PCDHA11: variants seen among roughly 807,000 people sequenced by gnomAD.
PCDHA11 encodes protocadherin alpha 11, also known as protocadherin alpha-11.
Under a neutral mutation model 70.3 loss-of-function variants are expected in PCDHA11, and 61 were observed. The observed-to-expected ratio is 0.87, with a 90% CI of 0.71 to 1.07. The LOEUF (loss-of-function observed/expected upper bound fraction) is 1.07. Ranked by LOEUF, PCDHA11 falls within the 50% of genes least tolerant of loss-of-function variation. The probability of loss-of-function intolerance (pLI) is 0.00; values close to 1 mark genes in which losing one functional copy is unlikely to be tolerated. For missense variants in PCDHA11, 1,324 were observed against 1,237.5 expected, an observed-to-expected ratio of 1.07 and a Z score of -1.05; for synonymous variants, 633 against 555.1, an observed-to-expected ratio of 1.14 and a Z score of -1.97.
chr5:140,923,792 T>G (rs2081513332), intron 1 of PCDHA11, among the ~76,000 whole-genome samples: 1 of 152,310 alleles, frequency 6.6e-6, no homozygotes, highest in South Asian at 2.1e-4. Flanking sequence ...CTTCATTCTT[T>G]TCACAAATGA....
intron 1 of PCDHA11, among the ~76,000 whole-genome samples, chr5:140,952,839 T>G (rs1270756530): frequency 6.6e-6 from 1 of 152,210 alleles, no homozygotes; most frequent in Non-Finnish European, 1.5e-5. Context: ...GCTGGCCATC[T>G]GCTTGTCTTC....
At chr5:140,884,758 C>T in intron 1 of PCDHA11, 2 of 1,424,736 alleles carry the variant, frequency 1.4e-6, no homozygotes, top group Middle Eastern at 4.1e-4. Flanking sequence ...TCAAATTATT[C>T]TTTACTTTAA....
At chr5:140,963,237 G>A (rs782735845) in intron 1 of PCDHA11, among the ~76,000 whole-genome samples, 50 of 152,136 alleles carry the variant, frequency 3.3e-4, no homozygotes, top group Non-Finnish European at 6.2e-4. Flanking sequence ...CTGTTTGATG[G>A]ATTAGGTAGG....
Position 140,875,458 on chromosome 5 carries a change from C to T in PCDHA11, c.2391+3964C>T, listed in dbSNP as rs149655466. ...AAAACTGATTGTCCCAACTCAGAGG[C>T]CCTCATTTTCTGCAATGGTGATTAT... On this transcript the variant is annotated intron_variant, in intron 1 of 3. Transcript: ENST00000398640. The T allele has an allele frequency of 1.1e-3, 1,729 of 1,596,942 alleles. 10 individuals are homozygous for T. In the African/African-American group the frequency reaches 0.015, roughly 14 times the overall value.
At position 140,877,189 on chromosome 5, in the gene PCDHA11, G is replaced by C. The variant is rs370743077; in HGVS notation, c.2391+5695G>C. ...ACTGCTGGCGACTCCGGCTGGCAGC[G>C]CAGGAGGCGCAGTTAGCGAGTTGGT... On this transcript the variant is annotated intron_variant, in intron 1 of 3. Coordinates refer to ENST00000398640, the MANE Select transcript of PCDHA11 (RefSeq NM_018902.5). The C allele has an allele frequency of 5.1e-5, 82 of 1,613,690 alleles. No homozygotes were observed. Among genetic ancestry groups the C allele is most frequent in the Non-Finnish European group, 6.4e-5 (75 of 1,179,826 alleles).
At chr5:140,918,766 C>T (rs1387250517) in intron 1 of PCDHA11, among the ~76,000 whole-genome samples, 2 of 152,170 alleles carry the variant, frequency 1.3e-5, no homozygotes, top group Non-Finnish European at 2.9e-5. Flanking sequence ...GGTGCCTTGC[C>T]TCTTTCACCA....
At chr5:140,924,901 A>AT (rs1554202312) in intron 1 of PCDHA11, among the ~76,000 whole-genome samples, 3 of 80,456 alleles carry the variant, frequency 3.7e-5, no homozygotes, top group African/African-American at 8.6e-5. Context: ...TCTCAAAAAA[A>AT]AAAATAAAAT....
chr5:140,928,900 G>A lies in PCDHA11; in HGVS notation c.2392-50049G>A, dbSNP rs782597882. On this transcript the variant is annotated intron_variant, in intron 1 of 3. Coordinates refer to ENST00000398640, the MANE Select transcript of PCDHA11 (RefSeq NM_018902.5). ...TCAGTTACTTCCAGACTTTGAAGATGTCTGGGAACCAGGAGGGCAGCTTTC... is the reference window on the plus strand; with the variant it reads ...TCAGTTACTTCCAGACTTTGAAGATATCTGGGAACCAGGAGGGCAGCTTTC... The A allele has an allele frequency of 3.1e-6, 5 of 1,614,212 alleles. No homozygotes were observed. The South Asian group carries it at 5.5e-5, about 18-fold the overall frequency.
intron 1 of PCDHA11, chr5:140,883,560 G>C: frequency 6.2e-7 from 1 of 1,614,184 alleles, no homozygotes; most frequent in South Asian, 1.1e-5. Flanking sequence ...CGGGACGGGG[G>C]CTCGCCTTCG....
chr5:140,911,509 A>G (rs1378667100), intron 1 of PCDHA11, among the ~76,000 whole-genome samples: 1 of 152,214 alleles, frequency 6.6e-6, no homozygotes, highest in Admixed American at 6.5e-5. Flanking sequence ...GAGGTTCAGT[A>G]TCTGCTTCTG....
At chr5:140,968,569 C>A in intron 1 of PCDHA11, 1 of 1,614,204 alleles carries the variant, frequency 6.2e-7, no homozygotes, top group Middle Eastern at 1.7e-4. Flanking sequence ...CCCCTGCTGG[C>A]TACCTGGTCA....
intron 1 of PCDHA11, among the ~76,000 whole-genome samples, chr5:140,899,543 G>C (rs1231734616): frequency 1.3e-5 from 2 of 152,144 alleles, no homozygotes; most frequent in Non-Finnish European, 2.9e-5. Flanking sequence ...CTTGATCATG[G>C]TGGATAAGCT....
rs1554163685 is a variant in PCDHA11, at chr5:140,869,991, A to G, written c.888A>G (p.Gln296=). ...GAAGACACTTATTTACACTAGATCAAAATAATGGAGAAGTGAGGGTCAATG... is the reference window on the plus strand; with the variant it reads ...GAAGACACTTATTTACACTAGATCAGAATAATGGAGAAGTGAGGGTCAATG... ...PNGRHLFTLD[Q]NNGEVRVNGT... The change falls in exon 1 of 4, where the codon CAA becomes CAG. Residue 296 remains glutamine, a synonymous_variant. Coordinates refer to ENST00000398640, the MANE Select transcript of PCDHA11 (RefSeq NM_018902.5). 3 of 1,613,542 alleles carry G rather than the reference A, an allele frequency of 1.9e-6. No individual in the cohort carries two copies. Among genetic ancestry groups the G allele is most frequent in the Non-Finnish European group, 2.5e-6 (3 of 1,179,772 alleles).
At chr5:140,948,819 A>G (rs1332127797) in intron 1 of PCDHA11, among the ~76,000 whole-genome samples, 5 of 151,420 alleles carry the variant, frequency 3.3e-5, no homozygotes, top group Middle Eastern at 3.4e-3. Context: ...TTTCTATTTC[A>G]TTAATTTCTG....
intron 1 of PCDHA11, among the ~76,000 whole-genome samples, chr5:140,873,862 T>A (rs188055479): frequency 4.1e-4 from 62 of 152,308 alleles, no homozygotes; most frequent in Admixed American, 1.1e-3. Context: ...GTTTTCACCA[T>A]GTTGGCCAGG....
intron 1 of PCDHA11, among the ~76,000 whole-genome samples, chr5:140,922,192 T>A (rs1279791359): frequency 6.6e-6 from 1 of 152,158 alleles, no homozygotes; most frequent in East Asian, 1.9e-4. Context: ...AAAAGTCTTA[T>A]CTTTAATGAA....
intron 1 of PCDHA11, among the ~76,000 whole-genome samples, chr5:140,894,646 C>A (rs1481747888): frequency 2.0e-5 from 3 of 151,766 alleles, no homozygotes; most frequent in African/African-American, 7.3e-5. Flanking sequence ...ATTACTGAGT[C>A]TCTCTAATTC....
At position 140,871,104 on chromosome 5, in the gene PCDHA11, G is replaced by A. The variant is rs377444052; in HGVS notation, c.2001G>A (p.Ser667=). 1,642 of 1,613,308 alleles carry A rather than the reference G, an allele frequency of 1.0e-3. 2 individuals are homozygous for A. Among genetic ancestry groups the A allele is most frequent in the Non-Finnish European group, 1.0e-3 (1,175 of 1,179,876 alleles). Residue 667 remains serine, a synonymous_variant, in exon 1 of 4, where the codon TCG becomes TCA. Coordinates refer to ENST00000398640, the MANE Select transcript of PCDHA11 (RefSeq NM_018902.5). ...ALTATATVLV[S]LVESGQAPKA... ...CGGCCACGGCCACCGTGCTGGTGTC[G>A]TTGGTGGAGAGCGGACAGGCGCCAA...
intron 1 of PCDHA11, among the ~76,000 whole-genome samples, chr5:140,958,399 T>C (rs1554223458): frequency 6.6e-6 from 1 of 152,178 alleles, no homozygotes; most frequent in African/African-American, 2.4e-5. Flanking sequence ...CATCAAACAT[T>C]ATCACTGATG....
Sources: allele counts gnomAD v4.1 joint callset (sites outside exome capture counted in the v4.1 genomes callset), GRCh38; gene constraint gnomAD v4.1.1; transcripts MANE v1.5; gene names NCBI Gene and HGNC (gene_info 2026-07-23, HGNC 2026-07-21).